ADAM12: variants seen among roughly 807,000 people sequenced by gnomAD.
The protein encoded by ADAM12 is ADAM metallopeptidase domain 12.
In ADAM12, 70 loss-of-function variants were observed where a neutral mutation model predicts 106.4. That is an observed-to-expected ratio of 0.66 (90% CI 0.54 to 0.80). The LOEUF is 0.80. Ranked by LOEUF, ADAM12 falls within the 30% of genes least tolerant of loss-of-function variation. The probability of loss-of-function intolerance (pLI) is 0.00; values close to 1 mark genes in which losing one functional copy is unlikely to be tolerated. For synonymous variants in ADAM12, 420 were observed against 433.5 expected, an observed-to-expected ratio of 0.97 and a Z score of 0.39; for missense variants, 1,010 against 1,171.9, an observed-to-expected ratio of 0.86 and a Z score of 2.02.
At chr10:126,125,002 C>T (rs1956179588) in intron 5 of ADAM12, among the ~76,000 whole-genome samples, 1 of 151,766 alleles carries the variant, frequency 6.6e-6, no homozygotes, top group African/African-American at 2.4e-5. Flanking sequence ...GAGTCAGGCT[C>T]CTTTTTTAAA....
intron 3 of ADAM12, among the ~76,000 whole-genome samples, chr10:126,229,874 T>C (rs1368675616): frequency 3.3e-5 from 5 of 152,182 alleles, no homozygotes; most frequent in Non-Finnish European, 5.9e-5. Context: ...GCGCTTTCTA[T>C]TGAAGACTCT....
intron 2 of ADAM12, among the ~76,000 whole-genome samples, chr10:126,294,685 G>A (rs1333694887): frequency 2.0e-5 from 3 of 152,058 alleles, no homozygotes; most frequent in Non-Finnish European, 2.9e-5. Context: ...GACGTAGCAC[G>A]TGGGTGTGAA....
intron 1 of ADAM12, among the ~76,000 whole-genome samples, chr10:126,346,043 A>G (rs1855126557): frequency 6.6e-6 from 1 of 151,756 alleles, no homozygotes; most frequent in African/African-American, 2.4e-5. Flanking sequence ...GATCTTAGTT[A>G]TTTCTTGCCC....
intron 3 of ADAM12, among the ~76,000 whole-genome samples, chr10:126,240,081 C>G (rs1958493120): frequency 6.6e-6 from 1 of 152,204 alleles, no homozygotes; most frequent in African/African-American, 2.4e-5. Context: ...TGCGTCTACA[C>G]TGCCCATTGG....
In ADAM12 at chr10:126,023,284, G is replaced by A. The variant is rs930898169; in HGVS notation, c.2530-3459C>T. On this transcript the variant is annotated intron_variant, in intron 21 of 22. Coordinates refer to ENST00000448723, the MANE Select transcript of ADAM12 (RefSeq NM_001288973.2). ...ATGGAACTCGCCAAAGTTGACAGGC[G>A]GGTCTTCCATTTCCAGTAACATGGC... 6.4e-4 allele frequency among the ~76,000 whole-genome samples: 98 copies of A among 152,054 alleles called. 6 individuals are homozygous for A. The highest frequency in any genetic ancestry group is 6.5e-5 in the Admixed American group (1 of 15,268).
At chr10:126,275,696 G>A (rs1486571342) in intron 3 of ADAM12, among the ~76,000 whole-genome samples, 1 of 152,080 alleles carries the variant, frequency 6.6e-6, no homozygotes. Context: ...AGTCACCAGA[G>A]GCCTTCCAGA....
intron 3 of ADAM12, among the ~76,000 whole-genome samples, chr10:126,159,697 G>A (rs1956899434): frequency 6.6e-6 from 1 of 152,170 alleles, no homozygotes; most frequent in Non-Finnish European, 1.5e-5. Context: ...TAGAGAAAAC[G>A]AGCTTTTGAT....
At chr10:126,372,764 T>A (rs1411930507) in intron 1 of ADAM12, among the ~76,000 whole-genome samples, 1 of 152,210 alleles carries the variant, frequency 6.6e-6, no homozygotes, top group Non-Finnish European at 1.5e-5. Flanking sequence ...TCTTTTGAAA[T>A]TGCTTTCTCA....
chr10:126,088,255 A>T (rs767084359), intron 11 of ADAM12, among the ~76,000 whole-genome samples: 12 of 152,072 alleles, frequency 7.9e-5, no homozygotes, highest in Non-Finnish European at 1.2e-4. Context: ...GCTCCCCAGG[A>T]TCTGGCCTCT....
At chr10:126,353,992 T>C (rs1002233786) in intron 1 of ADAM12, among the ~76,000 whole-genome samples, 2 of 152,090 alleles carry the variant, frequency 1.3e-5, no homozygotes, top group African/African-American at 4.8e-5. Flanking sequence ...CAATTCAAAC[T>C]TGAGATGCCA....
intron 3 of ADAM12, among the ~76,000 whole-genome samples, chr10:126,237,071 C>G (rs556661244): frequency 5.3e-5 from 8 of 152,232 alleles, no homozygotes; most frequent in East Asian, 3.8e-4. Flanking sequence ...ACCCCTCCCC[C>G]CATTTCCCCA....
At chr10:126,246,454 T>C (rs191485319) in intron 3 of ADAM12, among the ~76,000 whole-genome samples, 1 of 152,244 alleles carries the variant, frequency 6.6e-6, no homozygotes, top group African/African-American at 2.4e-5. Context: ...CAGGCCAATA[T>C]CCTTGATGAA....
chr10:126,089,478 CT>C (rs1405150401), intron 11 of ADAM12, among the ~76,000 whole-genome samples: 2 of 152,172 alleles, frequency 1.3e-5, no homozygotes, highest in Non-Finnish European at 2.9e-5. Flanking sequence ...CCTCCCTCTT[CT>C]TTTTTGTACA....
At chr10:126,292,939 G>A (rs922780555) in intron 2 of ADAM12, among the ~76,000 whole-genome samples, 3 of 152,152 alleles carry the variant, frequency 2.0e-5, no homozygotes, top group Non-Finnish European at 2.9e-5. Context: ...ATATCATTGC[G>A]CCCACCTCAA....
chr10:126,232,435 T>C lies in ADAM12; in HGVS notation c.260+46480A>G, dbSNP rs536544343. 5.0e-4 allele frequency among the ~76,000 whole-genome samples: 76 copies of C among 152,316 alleles called. 1 individual carries two copies. Among genetic ancestry groups the C allele is most frequent in the Non-Finnish European group, 5.9e-5 (4 of 68,026 alleles). ...ATCCTAGTGAGACACTAGGATTCTT[T>C]TGGACTTCTGACCTCCAGAATGGTA... On this transcript the variant is annotated intron_variant, in intron 3 of 22. Coordinates refer to ENST00000448723, the MANE Select transcript of ADAM12 (RefSeq NM_001288973.2).
At chr10:126,264,668 A>G (rs1043379151) in intron 3 of ADAM12, among the ~76,000 whole-genome samples, 3 of 152,194 alleles carry the variant, frequency 2.0e-5, no homozygotes, top group East Asian at 3.9e-4. Flanking sequence ...GTCTTTGCCA[A>G]TTACGGCGAT....
intron 3 of ADAM12, among the ~76,000 whole-genome samples, chr10:126,179,147 C>T (rs1007991270): frequency 1.3e-5 from 2 of 152,134 alleles, no homozygotes; most frequent in African/African-American, 2.4e-5. Flanking sequence ...TGAACAAAAG[C>T]GGAGTGTGTG....
intron 3 of ADAM12, among the ~76,000 whole-genome samples, chr10:126,188,866 T>C (rs991846109): frequency 2.0e-5 from 3 of 152,126 alleles, no homozygotes; most frequent in Admixed American, 6.5e-5. Flanking sequence ...ATTCATCTAT[T>C]TGTCGCCCAT....
rs558322834 is a variant in ADAM12 at position 126,105,640 on chromosome 10, A to G, written c.741+2953T>C. ...TCCCTGGGCCAAGGTGTGGGAATCA[A>G]TATTTCCTAAAGTAAACATATAAAC... On this transcript the variant is annotated intron_variant, in intron 8 of 22. Transcript: ENST00000448723. Among the ~76,000 whole-genome samples the G allele has an allele frequency of 5.3e-5, 8 of 152,368 alleles. No homozygotes were observed. In the South Asian group the frequency reaches 1.7e-3, roughly 32 times the overall value.
Sources: allele counts gnomAD v4.1 joint callset (sites outside exome capture counted in the v4.1 genomes callset), GRCh38; gene constraint gnomAD v4.1.1; transcripts MANE v1.5; gene names NCBI Gene and HGNC (gene_info 2026-07-23, HGNC 2026-07-21).